The following CHL1 variants were observed in gnomAD, a reference collection of about 807,000 sequenced individuals.
CHL1 encodes the protein neural cell adhesion molecule L1-like protein.
In CHL1, 96 loss-of-function variants were observed where a neutral mutation model predicts 141.9. That is an observed-to-expected ratio of 0.68 (90% CI 0.57 to 0.80). The LOEUF (loss-of-function observed/expected upper bound fraction) is 0.80. Ranked by LOEUF, CHL1 falls within the 30% of genes least tolerant of loss-of-function variation. The pLI, the probability that CHL1 is intolerant of heterozygous loss-of-function variation, is 0.00. For synonymous variants in CHL1, 613 were observed against 502.2 expected (o/e 1.22, Z -2.95); for missense variants, 1,820 against 1,457.2 (o/e 1.25, Z -4.05).
chr3:377,906 G>A lies in CHL1; in HGVS notation c.1840G>A (p.Asp614Asn), dbSNP rs1341032782. 2.1e-5 allele frequency: 34 copies of A among 1,612,646 alleles called. No homozygotes were observed. The highest frequency in any genetic ancestry group is 2.8e-5 in the Non-Finnish European group (33 of 1,179,420). The part of the protein sequence containing the change: ...IYCCSAHTAL[D>N]SAADITQVTV... Reference sequence around the variant, plus strand: ...CTGCTGTTCAGCTCATACTGCTCTAGACAGTGCTGCCGATATAACTCAAGT... The same window carrying A: ...CTGCTGTTCAGCTCATACTGCTCTAAACAGTGCTGCCGATATAACTCAAGT... The change falls in exon 16 of 28, where the codon GAC becomes AAC. Residue 614 changes from aspartate (D) to asparagine (N), a missense_variant. Asp to Asn is a conservative substitution (Grantham distance 23). Coordinates refer to ENST00000256509, the MANE Select transcript of CHL1 (RefSeq NM_006614.4).
rs71058770 is a variant in CHL1, at chr3:400,900, C to CTTTTT, written c.3386-711_3386-707dup. Among the ~76,000 whole-genome samples the CTTTTT allele has an allele frequency of 8.0e-4, 90 of 112,434 alleles. 3 individuals are homozygous for CTTTTT. The highest frequency in any genetic ancestry group is 1.4e-3 in the African/African-American group (43 of 31,250). 73.8% of individuals were successfully genotyped at this position (112,434 alleles called of 152,430 possible). ...TGATGTATAACAACCAAATGACTGC[C>CTTTTT]TTTTTTTTTTTTTTTTTTTGAGACA... On this transcript the variant is annotated intron_variant, in intron 26 of 27. Transcript: ENST00000256509.
At chr3:319,997 T>A in intron 3 of CHL1, 130 bp downstream of exon 3, 1 of 585,768 alleles carries the variant, frequency 1.7e-6, no homozygotes, top group Non-Finnish European at 2.9e-6. Flanking sequence ...CAATCTGTCA[T>A]GAGAATTCAT....
chr3:317,138 T>C lies in CHL1; in HGVS notation c.-94-2545T>C, dbSNP rs150697731. ...ATACAAATTTCAGGTAAATTGAAGC[T>C]AATTCCTGCAGGAGGTAAGGTCATA... On this transcript the variant is annotated intron_variant, in intron 2 of 27. Transcript: ENST00000256509. Among the ~76,000 whole-genome samples the C allele has an allele frequency of 1.6e-3, 236 of 152,180 alleles. 4 individuals carry two copies. The East Asian group carries it at 0.032, about 21-fold the overall frequency.
At position 308,185 on chromosome 3, in the gene CHL1, G is replaced by T. The variant is rs533660992; in HGVS notation, c.-94-11498G>T. ...TGAATGAGAAAATAAAAGGAATTCA[G>T]AATTTTATCAACCGTCTATATCTAT... On this transcript the variant is annotated intron_variant, in intron 2 of 27. Coordinates refer to ENST00000256509, the MANE Select transcript of CHL1 (RefSeq NM_006614.4). 2.0e-4 allele frequency among the ~76,000 whole-genome samples: 30 copies of T among 152,264 alleles called. 1 individual carries two copies. The South Asian group carries it at 6.0e-3, about 30-fold the overall frequency.
At chr3:221,310 CT>C (rs941468620) in intron 1 of CHL1, among the ~76,000 whole-genome samples, 1 of 152,174 alleles carries the variant, frequency 6.6e-6, no homozygotes, top group African/African-American at 2.4e-5. Context: ...GAATTTGACT[CT>C]TTTCATTGAC....
intron 2 of CHL1, among the ~76,000 whole-genome samples, chr3:316,397 T>C (rs1323088734): frequency 6.6e-6 from 1 of 151,852 alleles, no homozygotes; most frequent in African/African-American, 2.4e-5. Context: ...AAAGTTATTG[T>C]GGCTTTTGAT....
intron 1 of CHL1, among the ~76,000 whole-genome samples, chr3:228,478 TACACACAC>T (rs4003420): frequency 6.7e-6 from 1 of 150,142 alleles, no homozygotes; most frequent in African/African-American, 2.4e-5. Flanking sequence ...TAAATATGTG[TACACACAC>T]ACACACACAC....
In CHL1 at chr3:394,683, A is replaced by AT. The variant is rs1202023595; in HGVS notation, c.2915-3dup. ...TACATTTGAGCTGTTGTTCATGTTT[A>AT]TTTTTTTAGTAAATGACACCTACGA... On this transcript the variant is annotated splice_polypyrimidine_tract_variant and intron_variant, in intron 23 of 27. Transcript: ENST00000256509. 4.4e-6 allele frequency: 7 copies of AT among 1,590,660 alleles called. No individual in the cohort carries two copies. Among genetic ancestry groups the AT allele is most frequent in the Non-Finnish European group, 5.1e-6 (6 of 1,165,458 alleles).
Position 377,884 on chromosome 3 carries a change from C to T in CHL1, c.1818C>T (p.Cys606=), listed in dbSNP as rs1458565497. ...NVTLEDQGIY[C]CSAHTALDSA... ...CTTTAGAGGACCAAGGTATTTACTG[C>T]TGTTCAGCTCATACTGCTCTAGACA... Residue 606 remains cysteine (C), a synonymous_variant, in exon 16 of 28, where the codon TGC becomes TGT. Transcript: ENST00000256509. 1.9e-6 allele frequency: 3 copies of T among 1,612,448 alleles called. No individual in the cohort carries two copies.
At chr3:349,231 T>A in intron 9 of CHL1, 128 bp from the exon 10 acceptor site, 1 of 734,386 alleles carries the variant, frequency 1.4e-6, no homozygotes, top group Admixed American at 2.8e-5. Flanking sequence ...CTGGTAAGGA[T>A]GACGTGATTC....
intron 2 of CHL1, among the ~76,000 whole-genome samples, chr3:298,891 C>A (rs1288868293): frequency 6.6e-6 from 1 of 152,068 alleles, no homozygotes; most frequent in Non-Finnish European, 1.5e-5. Flanking sequence ...GTGCCTAAAC[C>A]CTTAAATAAC....
chr3:295,821 C>T (rs541041573), intron 2 of CHL1, among the ~76,000 whole-genome samples: 2 of 152,318 alleles, frequency 1.3e-5, no homozygotes, highest in African/African-American at 4.8e-5. Flanking sequence ...AAATGCTGGA[C>T]AGCCTGTCCA....
intron 2 of CHL1, among the ~76,000 whole-genome samples, chr3:312,413 A>T (rs1430829748): frequency 6.6e-6 from 1 of 152,186 alleles, no homozygotes; most frequent in Non-Finnish European, 1.5e-5. Flanking sequence ...AGCCATTAAC[A>T]GTTATTTCAG....
Position 315,027 on chromosome 3 carries a change from T to C in CHL1, c.-94-4656T>C, listed in dbSNP as rs1343474091. The stretch of plus-strand genomic sequence containing the variant: ...AGAGAATTTGCCTTTATTTTGTAAG[T>C]TGTTATGATTTTGTAACTCTAATAG... On this transcript the variant is annotated intron_variant, in intron 2 of 27. Coordinates refer to ENST00000256509, the MANE Select transcript of CHL1 (RefSeq NM_006614.4). 2.6e-5 allele frequency among the ~76,000 whole-genome samples: 4 copies of C among 152,142 alleles called. No homozygotes were observed. The South Asian group carries it at 6.2e-4, about 24-fold the overall frequency.
chr3:351,154 A>G (rs1419120398), intron 10 of CHL1, among the ~76,000 whole-genome samples: 2 of 152,164 alleles, frequency 1.3e-5, no homozygotes, highest in Non-Finnish European at 2.9e-5. Context: ...ATAAAACCAA[A>G]CCTTTCAAAA....
chr3:399,073 T>A lies in CHL1; in HGVS notation c.3310T>A (p.Cys1104Ser). The change falls in exon 26 of 28, where the codon TGT becomes AGT. Residue 1104 changes from cysteine (C) to serine (S), a missense_variant. Cys to Ser is a moderately radical substitution (Grantham distance 112, BLOSUM62 -1). Coordinates refer to ENST00000256509, the MANE Select transcript of CHL1 (RefSeq NM_006614.4). ...STQGWFIGLM[C>S]AIALLTLLLL... The stretch of plus-strand genomic sequence containing the variant: ...TCAAGGCTGGTTTATTGGACTGATG[T>A]GTGCGATTGCTCTTCTCACACTACT... 6.2e-7 allele frequency: 1 copy of A among 1,609,192 alleles called. No homozygotes were observed. Among genetic ancestry groups the A allele is most frequent in the South Asian group, 1.1e-5 (1 of 90,982 alleles).
chr3:229,846 G>C (rs146618678), intron 1 of CHL1, among the ~76,000 whole-genome samples: 1 of 152,176 alleles, frequency 6.6e-6, no homozygotes, highest in East Asian at 1.9e-4. Context: ...TCAATTATCT[G>C]TCTGTGCCCC....
chr3:374,441 C>T (rs1014332564), intron 15 of CHL1, among the ~76,000 whole-genome samples: 1 of 152,114 alleles, frequency 6.6e-6, no homozygotes, highest in African/African-American at 2.4e-5. Context: ...GACCTCTGGG[C>T]TACAGCCAAG....
intron 2 of CHL1, among the ~76,000 whole-genome samples, chr3:272,296 A>G (rs1383971369): frequency 6.6e-6 from 1 of 152,012 alleles, no homozygotes; most frequent in Non-Finnish European, 1.5e-5. Flanking sequence ...CCAATTCATA[A>G]TTTTGTGTTT....
Sources: gnomAD v4.1 joint callset for allele counts (sites outside exome capture counted in the v4.1 genomes callset) on GRCh38, gnomAD v4.1.1 for gene constraint, MANE v1.5 for transcripts, NCBI Gene and HGNC (gene_info 2026-07-23, HGNC 2026-07-21) for gene names.